The following TMEM236 variants were observed in gnomAD, a reference collection of about 807,000 sequenced individuals.
TMEM236 encodes the protein transmembrane protein 236.
In TMEM236, 11 loss-of-function variants were observed where a neutral mutation model predicts 14.7. The ratio of observed to expected loss-of-function variants is 0.75; its 90% CI spans 0.47 to 1.24. The LOEUF (loss-of-function observed/expected upper bound fraction) is 1.24, where lower values mean the gene tolerates loss of function less well. Among genes scored for constraint, TMEM236 ranks in the 50% most tolerant of loss-of-function variants. TMEM236 has a pLI of 0.00. For missense variants in TMEM236, 464 were observed against 427.3 expected (o/e 1.09, Z -0.76); for synonymous variants, 182 against 168.6 (o/e 1.08, Z -0.62).
At chr10:17,789,012 T>G (rs1435299891) in intron 3 of TMEM236, among the ~76,000 whole-genome samples, 1 of 152,148 alleles carries the variant, frequency 6.6e-6, no homozygotes, top group Non-Finnish European at 1.5e-5. Context: ...AAGTCCTGAT[T>G]TGTAACATTT....
intron 3 of TMEM236, among the ~76,000 whole-genome samples, chr10:17,780,894 G>A (rs1837736794): frequency 6.6e-6 from 1 of 152,184 alleles, no homozygotes; most frequent in Non-Finnish European, 1.5e-5. Flanking sequence ...CAGGCTTTAG[G>A]AGGTGGTGTC....
At chr10:17,781,998 A>T (rs1356598061) in intron 3 of TMEM236, among the ~76,000 whole-genome samples, 1 of 151,328 alleles carries the variant, frequency 6.6e-6, no homozygotes, top group East Asian at 1.9e-4. Context: ...CTATGAAGAG[A>T]TAGATAGGTT....
intron 3 of TMEM236, among the ~76,000 whole-genome samples, chr10:17,787,989 A>T (rs1442057114): frequency 6.6e-6 from 1 of 152,084 alleles, no homozygotes; most frequent in East Asian, 1.9e-4. Flanking sequence ...TCTCTTTGGC[A>T]ATGAGATAAC....
chr10:17,761,424 G>T (rs1305167348), intron 1 of TMEM236, among the ~76,000 whole-genome samples: 30 of 152,088 alleles, frequency 2.0e-4, no homozygotes, highest in Non-Finnish European at 3.5e-4. Context: ...CAGGCGTGCT[G>T]GTTCACACCT....
chr10:17,785,611 T>A (rs1837821089), intron 3 of TMEM236, among the ~76,000 whole-genome samples: 1 of 151,218 alleles, frequency 6.6e-6, no homozygotes. Context: ...GCATTTTGAG[T>A]TCCTCTTTAG....
intron 1 of TMEM236, among the ~76,000 whole-genome samples, chr10:17,758,316 C>G (rs1837310998): frequency 1.3e-5 from 2 of 149,374 alleles, no homozygotes; most frequent in East Asian, 1.9e-4. Flanking sequence ...TGAGGCTTAT[C>G]TGAGAGCTTC....
chr10:17,769,537 T>C (rs1023169060), intron 1 of TMEM236, among the ~76,000 whole-genome samples: 254 of 152,278 alleles, frequency 1.7e-3, no homozygotes, highest in African/African-American at 5.8e-3. Flanking sequence ...CTCTGGGGCA[T>C]TGTCATCGTT....
chr10:17,759,404 T>G (rs35333693), intron 1 of TMEM236, among the ~76,000 whole-genome samples: 1 of 152,136 alleles, frequency 6.6e-6, no homozygotes, highest in African/African-American at 2.4e-5. Flanking sequence ...TGGAGTACAA[T>G]TAATTCAGAC....
chr10:17,781,401 T>C (rs1160324664), intron 3 of TMEM236, among the ~76,000 whole-genome samples: 7 of 152,174 alleles, frequency 4.6e-5, no homozygotes, highest in Non-Finnish European at 7.3e-5. Context: ...GTTCATCAAA[T>C]TGTCATTTCA....
chr10:17,776,624 C>T (rs976732185), intron 3 of TMEM236, among the ~76,000 whole-genome samples: 31 of 152,074 alleles, frequency 2.0e-4, no homozygotes, highest in Admixed American at 1.3e-3. Flanking sequence ...ATAAAAATGC[C>T]AAAGATCACA....
chr10:17,766,726 T>C (rs1456068925), intron 1 of TMEM236, among the ~76,000 whole-genome samples: 1 of 152,228 alleles, frequency 6.6e-6, no homozygotes, highest in African/African-American at 2.4e-5. Context: ...CTGGATGGCT[T>C]GAGCAACAGA....
chr10:17,793,063 C>T (rs1837952500), intron 3 of TMEM236, among the ~76,000 whole-genome samples: 1 of 152,162 alleles, frequency 6.6e-6, no homozygotes. Context: ...TCTAGTACTT[C>T]TTACTTGAAA....
intron 1 of TMEM236, among the ~76,000 whole-genome samples, chr10:17,757,657 C>G (rs1017012657): frequency 2.0e-5 from 3 of 150,926 alleles, no homozygotes; most frequent in African/African-American, 4.9e-5. Context: ...CTAGGTCTGT[C>G]TGATTCCATA....
chr10:17,755,675 T>C (rs1321200990), intron 1 of TMEM236, among the ~76,000 whole-genome samples: 1 of 152,098 alleles, frequency 6.6e-6, no homozygotes, highest in African/African-American at 2.4e-5. Context: ...GCTTTGACTG[T>C]CCAAGATTCC....
At chr10:17,770,447 A>G (rs1837550711) in intron 1 of TMEM236, among the ~76,000 whole-genome samples, 1 of 152,166 alleles carries the variant, frequency 6.6e-6, no homozygotes, top group South Asian at 2.1e-4. Context: ...GCAGTGGCAC[A>G]GTCTTGGCTC....
chr10:17,775,054 T>C (rs1837637537), intron 2 of TMEM236, among the ~76,000 whole-genome samples: 1 of 152,064 alleles, frequency 6.6e-6, no homozygotes, highest in Admixed American at 6.6e-5. Flanking sequence ...ACCTGCCTCG[T>C]CTTCCCAAAG....
chr10:17,794,340 G>C (rs1232490553), intron 3 of TMEM236, among the ~76,000 whole-genome samples: 1 of 152,244 alleles, frequency 6.6e-6, no homozygotes, highest in South Asian at 2.1e-4. Context: ...CAGCATGTTT[G>C]CTGAGTAAAC....
rs999454899 is a variant in TMEM236 at position 17,788,407 on chromosome 10, G to A, written c.473-7514G>A. ...TATTAAGATTTTAGCAACACTTGTC[G>A]AGTGTTAGATAAGTCTGTAAAGCAG... On this transcript the variant is annotated intron_variant, in intron 3 of 3. Transcript: ENST00000377495. 5.4e-3 allele frequency among the ~76,000 whole-genome samples: 816 copies of A among 151,232 alleles called. 9 individuals are homozygous for A. The highest frequency in any genetic ancestry group is 0.019 in the African/African-American group (786 of 41,350).
At chr10:17,793,269 T>C (rs977738037) in intron 3 of TMEM236, among the ~76,000 whole-genome samples, 4 of 152,200 alleles carry the variant, frequency 2.6e-5, no homozygotes, top group African/African-American at 4.8e-5. Flanking sequence ...AATGTTAATG[T>C]GTCACTTTTG....
Sources: gnomAD v4.1 joint callset for allele counts (sites outside exome capture counted in the v4.1 genomes callset) on GRCh38, gnomAD v4.1.1 for gene constraint, MANE v1.5 for transcripts, NCBI Gene and HGNC (gene_info 2026-07-23, HGNC 2026-07-21) for gene names.